Variants in GOLGB1 observed in about 807,000 individuals in gnomAD.
GOLGB1 encodes golgin B1.
In GOLGB1, 174 loss-of-function variants were observed where a neutral mutation model predicts 336.9. That is an observed-to-expected ratio of 0.52 (90% confidence interval 0.46 to 0.59). The LOEUF is 0.59. GOLGB1 is among the 20% of genes least tolerant of loss of function. The probability of loss-of-function intolerance (pLI) is 0.00; values close to 1 mark genes in which losing one functional copy is unlikely to be tolerated. For missense variants in GOLGB1, 3,331 were observed against 3,645.3 expected, an observed-to-expected ratio of 0.91 and a Z score of 2.22; for synonymous variants, 1,208 against 1,289.2, an observed-to-expected ratio of 0.94 and a Z score of 1.35.
In GOLGB1 at chr3:121,722,378, T is replaced by A. The variant is rs1285226450; in HGVS notation, c.532A>T (p.Ser178Cys). The A allele has an allele frequency of 3.2e-6, 5 of 1,538,670 alleles. No individual in the cohort carries two copies. The Admixed American group carries it at 6.7e-5, about 21-fold the overall frequency. ...TQAQAEQPAQSSTEMEEFVMM... is the reference protein window; with the variant it reads ...TQAQAEQPAQCSTEMEEFVMM... ...ACAAATTCTTCCATCTCTGTAGAAC[T>A]CTTATCAAACCGAAGACATAGAAGG... The change falls in exon 6 of 22, where the codon AGT becomes TGT. Residue 178 changes from serine (S) to cysteine (C), a missense_variant and splice_region_variant. By Grantham distance (112) the Ser-to-Cys change is moderately radical. Transcript: ENST00000614479.
chr3:121,663,453 A>C lies in GOLGB1; in HGVS notation c.*1027T>G, dbSNP rs1373663669. 1 of 152,184 alleles carries C rather than the reference A, an allele frequency of 6.6e-6. No individual in the cohort carries two copies. The highest frequency in any genetic ancestry group is 2.4e-5 in the African/African-American group (1 of 41,420). 9.4% of individuals were successfully genotyped at this position (152,184 alleles called of 1,614,324 possible). The stretch of plus-strand genomic sequence containing the variant: ...GAATTCTATCCTGGCTGTCCTTCTC[A>C]GGTCTATCTATATTTAATTTTGTCT... On this transcript the variant is annotated 3_prime_UTR_variant, in exon 22 of 22. Coordinates refer to ENST00000614479, the MANE Select transcript of GOLGB1 (RefSeq NM_001366282.2).
At chr3:121,693,162 T>G (rs562226811) in intron 13 of GOLGB1, among the ~76,000 whole-genome samples, 1 of 152,132 alleles carries the variant, frequency 6.6e-6, no homozygotes, top group African/African-American at 2.4e-5. Context: ...GTGGTAAAAA[T>G]CCAGGCAAGA....
rs755614200 is a variant in GOLGB1 at position 121,691,120 on chromosome 3, C to T, written c.8244G>A (p.Leu2748=). 1.2e-6 allele frequency: 2 copies of T among 1,613,996 alleles called. No homozygotes were observed. Among genetic ancestry groups the T allele is most frequent in the Non-Finnish European group, 1.7e-6 (2 of 1,179,954 alleles). Reference sequence around the variant, plus strand: ...CATTGGCATGATCTCTACTATTTTGCAAGGAACTCATAGACCTTCCAAAAG... The same window carrying T: ...CATTGGCATGATCTCTACTATTTTGTAAGGAACTCATAGACCTTCCAAAAG... ...IQSFGRSMSS[L]QNSRDHANEE... The change falls in exon 14 of 22, where the codon TTG becomes TTA. Residue 2748 remains leucine, a synonymous_variant. Transcript: ENST00000614479.
intron 18 of GOLGB1, 149 bp downstream of exon 18, chr3:121,669,063 A>T: frequency 1.4e-6 from 1 of 713,480 alleles, no homozygotes; most frequent in Non-Finnish European, 2.3e-6. Context: ...CTCAGACCTT[A>T]TTCCCATCTC....
intron 6 of GOLGB1, among the ~76,000 whole-genome samples, chr3:121,720,770 G>A (rs1576425127): frequency 6.6e-6 from 1 of 151,936 alleles, no homozygotes; most frequent in Non-Finnish European, 1.5e-5. Context: ...TTCCTTCTCT[G>A]CAGTTTTGCT....
chr3:121,697,508 A>T lies in GOLGB1; in HGVS notation c.3015T>A (p.Ile1005=), dbSNP rs1294199740. The T allele has an allele frequency of 6.2e-7, 1 of 1,612,700 alleles. No homozygotes were observed. The highest frequency in any genetic ancestry group is 1.1e-5 in the South Asian group (1 of 90,852). The change falls in exon 13 of 22, where the codon ATT becomes ATA. Residue 1005 remains isoleucine, a synonymous_variant. Coordinates refer to ENST00000614479, the MANE Select transcript of GOLGB1 (RefSeq NM_001366282.2). The part of the protein sequence containing the change: ...QRKRKLQAAL[I]NRKELLQRVS... ...CTCTTTGCAGAAGCTCCTTTCTGTT[A>T]ATAAGAGCTGCCTGGAGCTTTCTCT...
At chr3:121,714,571 A>T (rs538473536) in intron 10 of GOLGB1, among the ~76,000 whole-genome samples, 2 of 152,178 alleles carry the variant, frequency 1.3e-5, no homozygotes, top group African/African-American at 4.8e-5. Context: ...CTACAGAAGC[A>T]AAAGTAATGA....
intron 14 of GOLGB1, among the ~76,000 whole-genome samples, chr3:121,682,783 T>C (rs1181030847): frequency 6.6e-6 from 1 of 151,948 alleles, no homozygotes; most frequent in Non-Finnish European, 1.5e-5. Context: ...GGAAAAACAA[T>C]AGAGGAATCA....
At chr3:121,689,026 C>T (rs1286357818) in intron 14 of GOLGB1, among the ~76,000 whole-genome samples, 1 of 150,250 alleles carries the variant, frequency 6.7e-6, no homozygotes, top group Non-Finnish European at 1.5e-5. Flanking sequence ...GGGGGGTCAG[C>T]CCCCCGCCCA....
Position 121,673,705 on chromosome 3 carries a change from A to ATCTG in GOLGB1, c.9177+3187_9177+3188insCAGA, listed in dbSNP as rs1472735119. Among the ~76,000 whole-genome samples the ATCTG allele has an allele frequency of 1.1e-4, 16 of 151,920 alleles. 1 individual carries two copies. In the South Asian group the frequency reaches 1.5e-3, roughly 14 times the overall value. ...GGGATTGCTATCTATCTATCTATCT[A>ATCTG]TCTATCTATCTATCTATCTATCTAT... is the stretch of plus-strand genomic sequence containing the variant. On this transcript the variant is annotated intron_variant, in intron 17 of 21. Coordinates refer to ENST00000614479, the MANE Select transcript of GOLGB1 (RefSeq NM_001366282.2).
At chr3:121,711,660 T>A (rs2108049504) in intron 10 of GOLGB1, among the ~76,000 whole-genome samples, 1 of 152,174 alleles carries the variant, frequency 6.6e-6, no homozygotes, top group East Asian at 1.9e-4. Flanking sequence ...ATAAGCTTAA[T>A]AAAATTCAGT....
intron 1 of GOLGB1, among the ~76,000 whole-genome samples, chr3:121,744,118 A>G (rs989140980): frequency 6.6e-6 from 1 of 152,188 alleles, no homozygotes; most frequent in Non-Finnish European, 1.5e-5. Context: ...CATACACATG[A>G]ACACAGGATA....
chr3:121,725,423 T>C (rs184247093), intron 5 of GOLGB1, among the ~76,000 whole-genome samples: 2 of 152,300 alleles, frequency 1.3e-5, no homozygotes, highest in Admixed American at 1.3e-4. Context: ...TTGCTTGGGG[T>C]CTGTTACTCT....
Position 121,673,131 on chromosome 3 carries a change from G to A in GOLGB1, c.9177+3762C>T, listed in dbSNP as rs539274670. On this transcript the variant is annotated intron_variant, in intron 17 of 21. Coordinates refer to ENST00000614479, the MANE Select transcript of GOLGB1 (RefSeq NM_001366282.2). ...GTCACCCAGGCTGGAGTGCAGTGGC[G>A]CGATCTCGGCTCACTGTAACTTCCA... is the stretch of plus-strand genomic sequence containing the variant. Among the ~76,000 whole-genome samples, 80 of 151,124 alleles carry A rather than the reference G, an allele frequency of 5.3e-4. 2 individuals are homozygous for A. In the South Asian group the frequency reaches 7.3e-3, roughly 14 times the overall value.
At chr3:121,706,356 A>C (rs1943821807) in intron 10 of GOLGB1, among the ~76,000 whole-genome samples, 1 of 152,156 alleles carries the variant, frequency 6.6e-6, no homozygotes, top group African/African-American at 2.4e-5. Context: ...AAGGTACATT[A>C]TAATTCAAGT....
chr3:121,707,225 C>CAAAAAAAAAAAAAA (rs554313106), intron 10 of GOLGB1, among the ~76,000 whole-genome samples: 12 of 93,570 alleles, frequency 1.3e-4, no homozygotes, highest in South Asian at 3.8e-4. Flanking sequence ...GACTCCATCT[C>CAAAAAAAAAAAAAA]AAAAAAAAAA....
At chr3:121,746,787 C>T (rs1176131410) in intron 1 of GOLGB1, among the ~76,000 whole-genome samples, 1 of 152,020 alleles carries the variant, frequency 6.6e-6, no homozygotes, top group Non-Finnish European at 1.5e-5. Flanking sequence ...GCCTAACTCA[C>T]TTTATTCTTA....
intron 1 of GOLGB1, among the ~76,000 whole-genome samples, chr3:121,746,375 AACAT>A (rs1947282956): frequency 6.6e-6 from 1 of 152,244 alleles, no homozygotes; most frequent in South Asian, 2.1e-4. Flanking sequence ...TGGTAGCTAT[AACAT>A]ACATACACAG....
intron 1 of GOLGB1, chr3:121,748,871 T>C (rs1324571634): frequency 2.0e-5 from 20 of 983,258 alleles, no homozygotes; most frequent in Non-Finnish European, 2.3e-5. Context: ...CAGACAAATA[T>C]ATTCCTCATT....
Sources: gnomAD v4.1 joint callset for allele counts (sites outside exome capture counted in the v4.1 genomes callset) on GRCh38, gnomAD v4.1.1 for gene constraint, MANE v1.5 for transcripts, NCBI Gene and HGNC (gene_info 2026-07-23, HGNC 2026-07-21) for gene names.